The following KCNC2 variants were observed in gnomAD, a reference collection of about 807,000 sequenced individuals.
KCNC2 encodes the protein voltage-gated potassium channel KCNC2.
KCNC2 carries 21 observed loss-of-function variants against 44.5 expected under a neutral mutation model. The observed-to-expected ratio is 0.47, with a 90% CI of 0.33 to 0.68. The LOEUF (loss-of-function observed/expected upper bound fraction) is 0.68, where lower values mean the gene tolerates loss of function less well. KCNC2 is among the 30% of genes least tolerant of loss of function. KCNC2 has a pLI of 0.01. For synonymous variants in KCNC2, 391 were observed against 339.1 expected (o/e 1.15, Z -1.68); for missense variants, 589 against 826.2 (o/e 0.71, Z 3.52).
At chr12:75,160,133 G>A (rs74652569) in intron 2 of KCNC2, among the ~76,000 whole-genome samples, 2,777 of 151,848 alleles carry the variant, frequency 0.018, 78 homozygotes, top group African/African-American at 0.063. Flanking sequence ...AGGTAATTAA[G>A]TTCAAACAGA....
At chr12:75,089,221 T>A (rs1276946488) in intron 2 of KCNC2, among the ~76,000 whole-genome samples, 1 of 151,886 alleles carries the variant, frequency 6.6e-6, no homozygotes, top group Non-Finnish European at 1.5e-5. Context: ...GTTAATATTC[T>A]ATGAAAAATT....
chr12:75,046,988 A>G (rs566185241), intron 4 of KCNC2, among the ~76,000 whole-genome samples: 1 of 152,034 alleles, frequency 6.6e-6, no homozygotes, highest in Non-Finnish European at 1.5e-5. Flanking sequence ...TTTGAACCTT[A>G]AAATGGTAAA....
At chr12:75,053,004 T>G (rs1285073255) in intron 2 of KCNC2, among the ~76,000 whole-genome samples, 3 of 152,126 alleles carry the variant, frequency 2.0e-5, no homozygotes, top group Non-Finnish European at 4.4e-5. Flanking sequence ...AATAACATTC[T>G]TTTGTCATTC....
At position 75,051,320 on chromosome 12, in the gene KCNC2, G is replaced by A. The variant is rs1432867644; in HGVS notation, c.688-3C>T. On this transcript the variant is annotated splice_polypyrimidine_tract_variant and splice_region_variant and intron_variant, in intron 2 of 4. Transcript: ENST00000549446. ...AATAAAGAAGCAAAAGCAATAAACT[G>A]TAGAGGAAAAAGAAATAAAAAAACC... The A allele has an allele frequency of 6.5e-7, 1 of 1,530,782 alleles. No homozygotes were observed. Among genetic ancestry groups the A allele is most frequent in the South Asian group, 1.2e-5 (1 of 81,974 alleles). The allele number at this position is 1,530,782 out of a possible 1,614,324, so 94.8% of individuals were successfully genotyped here.
At chr12:75,072,784 TTTCAGTAAAGG>T (rs1296629185) in intron 2 of KCNC2, among the ~76,000 whole-genome samples, 1 of 152,156 alleles carries the variant, frequency 6.6e-6, no homozygotes, top group Non-Finnish European at 1.5e-5. Context: ...TTTAATGCTA[TTTCAGTAAAGG>T]TTCTTGAACT....
chr12:75,118,684 G>C (rs963376946), intron 2 of KCNC2, among the ~76,000 whole-genome samples: 1 of 152,272 alleles, frequency 6.6e-6, no homozygotes, highest in South Asian at 2.1e-4. Context: ...TAGTTAAGAA[G>C]GGAAGCAGTG....
intron 2 of KCNC2, among the ~76,000 whole-genome samples, chr12:75,190,926 A>G (rs2030143636): frequency 1.3e-5 from 2 of 152,066 alleles, no homozygotes; most frequent in African/African-American, 4.8e-5. Flanking sequence ...ATTATCATTT[A>G]TATATGGCAT....
intron 2 of KCNC2, among the ~76,000 whole-genome samples, chr12:75,120,126 G>C (rs948076027): frequency 2.6e-5 from 4 of 152,138 alleles, no homozygotes; most frequent in Non-Finnish European, 4.4e-5. Flanking sequence ...TCTCTCATGA[G>C]CTTCAGTTTG....
chr12:75,164,571 T>C (rs771185964), intron 2 of KCNC2, among the ~76,000 whole-genome samples: 1 of 151,684 alleles, frequency 6.6e-6, no homozygotes, highest in South Asian at 2.1e-4. Flanking sequence ...TCAGCTGGAG[T>C]GCATTCCTCT....
chr12:75,081,329 T>C (rs1884483302), intron 2 of KCNC2, among the ~76,000 whole-genome samples: 1 of 152,038 alleles, frequency 6.6e-6, no homozygotes, highest in African/African-American at 2.4e-5. Context: ...TATCAATATG[T>C]TCGTAGTAGT....
At chr12:75,117,403 C>G (rs762044792) in intron 2 of KCNC2, among the ~76,000 whole-genome samples, 13 of 152,148 alleles carry the variant, frequency 8.5e-5, no homozygotes, top group Non-Finnish European at 1.8e-4. Context: ...AACTGTCCCC[C>G]CAAAAAGACT....
At chr12:75,062,502 A>G (rs1882446013) in intron 2 of KCNC2, among the ~76,000 whole-genome samples, 1 of 152,092 alleles carries the variant, frequency 6.6e-6, no homozygotes, top group Non-Finnish European at 1.5e-5. Flanking sequence ...ACACAAGGAA[A>G]GAGAAATATG....
intron 2 of KCNC2, among the ~76,000 whole-genome samples, chr12:75,103,966 C>T (rs531076869): frequency 1.3e-5 from 2 of 152,206 alleles, no homozygotes; most frequent in Admixed American, 6.5e-5. Flanking sequence ...AGGTGAGTGA[C>T]GTAGGTATTG....
At chr12:75,132,215 T>C (rs911839503) in intron 2 of KCNC2, among the ~76,000 whole-genome samples, 2 of 152,122 alleles carry the variant, frequency 1.3e-5, no homozygotes, top group East Asian at 3.9e-4. Flanking sequence ...GCATAGTGCT[T>C]GGTATATGAT....
At chr12:75,171,036 C>T (rs1397426461) in intron 2 of KCNC2, among the ~76,000 whole-genome samples, 2 of 150,166 alleles carry the variant, frequency 1.3e-5, no homozygotes, top group South Asian at 2.1e-4. Flanking sequence ...CCACCTGGGC[C>T]TCTCACAATA....
chr12:75,101,591 G>C (rs951053991), intron 2 of KCNC2, among the ~76,000 whole-genome samples: 4 of 151,982 alleles, frequency 2.6e-5, no homozygotes, highest in African/African-American at 9.7e-5. Flanking sequence ...TGGTCCCTCA[G>C]ATCACTTTTT....
intron 2 of KCNC2, among the ~76,000 whole-genome samples, chr12:75,129,377 G>A (rs746850333): frequency 2.0e-5 from 3 of 152,158 alleles, no homozygotes; most frequent in Non-Finnish European, 2.9e-5. Context: ...GGATAAAATG[G>A]CTTTTATTGA....
At chr12:75,175,524 G>C (rs1892124292) in intron 2 of KCNC2, among the ~76,000 whole-genome samples, 1 of 151,884 alleles carries the variant, frequency 6.6e-6, no homozygotes, top group Non-Finnish European at 1.5e-5. Context: ...GGGTACAAGG[G>C]ACTATTTCTG....
intron 2 of KCNC2, among the ~76,000 whole-genome samples, chr12:75,112,109 T>A (rs1887303969): frequency 6.6e-6 from 1 of 151,950 alleles, no homozygotes; most frequent in South Asian, 2.1e-4. Flanking sequence ...TATTTTTTGT[T>A]AACTATAATT....
Sources: allele counts gnomAD v4.1 joint callset (sites outside exome capture counted in the v4.1 genomes callset), GRCh38; gene constraint gnomAD v4.1.1; transcripts MANE v1.5; gene names NCBI Gene and HGNC (gene_info 2026-07-23, HGNC 2026-07-21).